Variants in CADPS observed in about 807,000 individuals in gnomAD.
The protein encoded by CADPS is calcium dependent secretion activator, also known as calcium-dependent secretion activator 1.
A neutral mutation model predicts 167.3 loss-of-function variants in CADPS; 57 were observed. The observed-to-expected ratio is 0.34, with a 90% CI of 0.28 to 0.42. The LOEUF (loss-of-function observed/expected upper bound fraction) is 0.42, where lower values mean the gene tolerates loss of function less well. Among genes scored for constraint, CADPS ranks in the 20% least tolerant of loss-of-function variants. The probability of loss-of-function intolerance (pLI) is 1.00; values close to 1 mark genes in which losing one functional copy is unlikely to be tolerated. For synonymous variants in CADPS, 676 were observed against 635.3 expected, an observed-to-expected ratio of 1.06 and a Z score of -0.96; for missense variants, 1,414 against 1,738.1, an observed-to-expected ratio of 0.81 and a Z score of 3.32.
chr3:62,425,884 A>G (rs1376365804), intron 28 of CADPS, among the ~76,000 whole-genome samples: 2 of 152,096 alleles, frequency 1.3e-5, no homozygotes, highest in African/African-American at 2.4e-5. Context: ...CGCCTCCCCA[A>G]ATCCTGGACA....
At chr3:62,810,194 T>G (rs906686255) in intron 1 of CADPS, among the ~76,000 whole-genome samples, 1 of 152,172 alleles carries the variant, frequency 6.6e-6, no homozygotes, top group Non-Finnish European at 1.5e-5. Context: ...CTCAAAAGCA[T>G]GGTTTTGGTA....
At chr3:62,852,960 A>G (rs2078929510) in intron 1 of CADPS, among the ~76,000 whole-genome samples, 1 of 152,124 alleles carries the variant, frequency 6.6e-6, no homozygotes, top group African/African-American at 2.4e-5. Context: ...AAAATGTTTA[A>G]AAGATACTTG....
chr3:62,784,192 G>A (rs216059), intron 1 of CADPS, among the ~76,000 whole-genome samples: 114,222 of 152,088 alleles, frequency 0.75, 43,163 homozygotes, highest in East Asian at 0.95. Flanking sequence ...TTAAGAATGT[G>A]TAAAAATAAT....
At chr3:62,775,578 T>C (rs2090075657) in intron 1 of CADPS, among the ~76,000 whole-genome samples, 1 of 152,232 alleles carries the variant, frequency 6.6e-6, no homozygotes, top group African/African-American at 2.4e-5. Flanking sequence ...AAAAATATTG[T>C]CAGTTGTTTT....
chr3:62,628,865 T>C (rs906787643), intron 6 of CADPS, among the ~76,000 whole-genome samples: 18 of 152,084 alleles, frequency 1.2e-4, no homozygotes, highest in African/African-American at 4.3e-4. Flanking sequence ...GACCTCGTGA[T>C]TCACCCGCCT....
intron 3 of CADPS, among the ~76,000 whole-genome samples, chr3:62,703,499 A>T (rs1202680531): frequency 6.6e-6 from 1 of 152,164 alleles, no homozygotes; most frequent in Non-Finnish European, 1.5e-5. Context: ...ACAGTCCTCA[A>T]ATATTGCTGA....
intron 6 of CADPS, among the ~76,000 whole-genome samples, chr3:62,638,577 G>C (rs1054761264): frequency 2.6e-5 from 4 of 152,066 alleles, no homozygotes; most frequent in Non-Finnish European, 2.9e-5. Context: ...TTTAAAAAGA[G>C]TACAGCCTTG....
At chr3:62,714,850 A>G (rs1002572467) in intron 3 of CADPS, among the ~76,000 whole-genome samples, 1 of 152,178 alleles carries the variant, frequency 6.6e-6, no homozygotes, top group Non-Finnish European at 1.5e-5. Flanking sequence ...CTATAGACTA[A>G]AAGAGGCTCG....
intron 1 of CADPS, among the ~76,000 whole-genome samples, chr3:62,860,749 G>T (rs1197270348): frequency 6.6e-6 from 1 of 152,138 alleles, no homozygotes; most frequent in African/African-American, 2.4e-5. Flanking sequence ...AAGAGACAGA[G>T]GATCAGGAAT....
intron 13 of CADPS, chr3:62,530,632 C>G (rs1480669892): frequency 1.6e-6 from 2 of 1,274,382 alleles, no homozygotes; most frequent in Admixed American, 2.4e-5. Context: ...AAACACAAGC[C>G]AATACACACA....
intron 3 of CADPS, among the ~76,000 whole-genome samples, chr3:62,705,862 G>T (rs1334793031): frequency 1.3e-5 from 2 of 152,102 alleles, no homozygotes; most frequent in Non-Finnish European, 2.9e-5. Flanking sequence ...AATACACTGG[G>T]ATTCTCCTCC....
intron 27 of CADPS, among the ~76,000 whole-genome samples, chr3:62,441,371 T>C (rs997007001): frequency 6.6e-6 from 1 of 152,222 alleles, no homozygotes; most frequent in African/African-American, 2.4e-5. Context: ...CATTTTAATC[T>C]GAACTTGCCC....
At position 62,753,119 on chromosome 3, in the gene CADPS, T is replaced by A. The variant is rs542216693; in HGVS notation, c.888+322A>T. On this transcript the variant is annotated intron_variant, in intron 3 of 29. Transcript: ENST00000383710. The surrounding 1 kb of genome is among the most constrained non-coding windows in gnomAD (Gnocchi z 4.6). ...ACACCAAAGGCAGAACCATATTTTT[T>A]AAAAAATTGATTTTTAGCACTTTTG... Among the ~76,000 whole-genome samples the A allele has an allele frequency of 7.2e-4, 110 of 152,360 alleles. No individual in the cohort carries two copies. The highest frequency in any genetic ancestry group is 1.0e-3 in the Admixed American group (16 of 15,308).
chr3:62,618,565 G>A (rs909546975), intron 6 of CADPS, among the ~76,000 whole-genome samples: 14 of 152,194 alleles, frequency 9.2e-5, no homozygotes, highest in African/African-American at 2.4e-4. Flanking sequence ...GCAGAGCCCC[G>A]CCTATCCGTA....
intron 4 of CADPS, among the ~76,000 whole-genome samples, chr3:62,660,191 A>G (rs981764058): frequency 1.6e-4 from 25 of 152,186 alleles, no homozygotes; most frequent in African/African-American, 6.0e-4. Context: ...AAGTAAACAA[A>G]GCAAGTAAAT....
intron 12 of CADPS, among the ~76,000 whole-genome samples, chr3:62,535,821 T>G (rs1235815001): frequency 6.6e-6 from 1 of 152,078 alleles, no homozygotes. Context: ...AATCTAGCTT[T>G]AAAATAGGAT....
chr3:62,656,235 T>G (rs1340338540), intron 4 of CADPS, among the ~76,000 whole-genome samples: 1 of 152,128 alleles, frequency 6.6e-6, no homozygotes, highest in East Asian at 1.9e-4. Flanking sequence ...CAAACAACAA[T>G]AGTACTAATA....
rs1186787602 is a variant in CADPS, at chr3:62,833,645, AAG to A, written c.441+40942_441+40943del. 2.6e-5 allele frequency among the ~76,000 whole-genome samples: 4 copies of A among 152,170 alleles called. No individual in the cohort carries two copies. In the East Asian group the frequency reaches 7.8e-4, roughly 30 times the overall value. On this transcript the variant is annotated intron_variant, in intron 1 of 29. Transcript: ENST00000383710. ...GGGATCTTAACTGATATTAAAGAAC[AAG>A]AGTTTTCAAACTGGGTTTCTGCAAA...
At chr3:62,464,653 T>G (rs1420312190) in intron 26 of CADPS, among the ~76,000 whole-genome samples, 1 of 152,208 alleles carries the variant, frequency 6.6e-6, no homozygotes, top group Non-Finnish European at 1.5e-5. Flanking sequence ...CCTTGCCTAA[T>G]TCTGGCACAG....
Sources: allele counts gnomAD v4.1 joint callset (sites outside exome capture counted in the v4.1 genomes callset), GRCh38; gene constraint gnomAD v4.1.1; non-coding constraint Gnocchi (gnomAD v3.1); transcripts MANE v1.5; gene names NCBI Gene and HGNC (gene_info 2026-07-23, HGNC 2026-07-21).